The following CDH23 variants were observed in gnomAD, a reference collection of about 807,000 sequenced individuals.
The protein encoded by CDH23 is cadherin related 23.
CDH23 carries 189 observed loss-of-function variants against 317.1 expected under a neutral mutation model. That is an observed-to-expected ratio of 0.60 (90% CI 0.53 to 0.67). CDH23 has a LOEUF of 0.67. Among genes scored for constraint, CDH23 ranks in the 30% least tolerant of loss-of-function variants. The probability of loss-of-function intolerance (pLI) is 0.00; values close to 1 mark genes in which losing one functional copy is unlikely to be tolerated. For synonymous variants in CDH23, 1,839 were observed against 1,876.8 expected (o/e 0.98, Z 0.52); for missense variants, 4,401 against 4,592.4 (o/e 0.96, Z 1.20).
intron 39 of CDH23, 99 bp downstream of exon 39, chr10:71,778,000 T>A (rs1315986744): frequency 3.4e-6 from 5 of 1,467,346 alleles, no homozygotes; most frequent in Non-Finnish European, 4.7e-6. Context: ...AAAGATGCAG[T>A]CTAGGGGAAA....
chr10:71,434,575 T>G (rs576972177), intron 1 of CDH23, among the ~76,000 whole-genome samples: 1 of 152,162 alleles, frequency 6.6e-6, no homozygotes, highest in African/African-American at 2.4e-5. Context: ...ATGCTGTCAC[T>G]GAACCACCTC....
At chr10:71,654,545 T>C (rs1863330268) in intron 14 of CDH23, among the ~76,000 whole-genome samples, 1 of 152,182 alleles carries the variant, frequency 6.6e-6, no homozygotes, top group Admixed American at 6.5e-5. Flanking sequence ...GGGTCAGGAA[T>C]ACAGAAAGGG....
intron 6 of CDH23, among the ~76,000 whole-genome samples, chr10:71,524,022 C>G (rs1454997079): frequency 1.8e-4 from 28 of 152,274 alleles, no homozygotes; most frequent in Non-Finnish European, 5.9e-5. Flanking sequence ...CCAGCTTCCC[C>G]TGGGATCTTC....
chr10:71,545,389 C>T (rs749667139), intron 6 of CDH23, among the ~76,000 whole-genome samples: 10 of 152,276 alleles, frequency 6.6e-5, no homozygotes, highest in Non-Finnish European at 1.0e-4. Context: ...TCCACTTTCT[C>T]GGGCTGTCTT....
chr10:71,780,078 G>A (rs187797956), intron 41 of CDH23, among the ~76,000 whole-genome samples: 3 of 152,360 alleles, frequency 2.0e-5, no homozygotes, highest in Admixed American at 6.5e-5. Context: ...GCCAGTAGTA[G>A]CTGTGTCCAG....
At chr10:71,502,955 T>C (rs1383207582) in intron 3 of CDH23, among the ~76,000 whole-genome samples, 1 of 152,254 alleles carries the variant, frequency 6.6e-6, no homozygotes, top group Admixed American at 6.5e-5. Flanking sequence ...TAGCAGGTAC[T>C]GCTCTCCAGG....
intron 29 of CDH23, among the ~76,000 whole-genome samples, chr10:71,724,872 A>T (rs760066084): frequency 6.6e-6 from 1 of 152,214 alleles, no homozygotes; most frequent in Non-Finnish European, 1.5e-5. Context: ...AGGAGAGTAG[A>T]TCCCCAAAGA....
At chr10:71,739,245 C>G (rs1839668880) in intron 35 of CDH23, among the ~76,000 whole-genome samples, 3 of 152,180 alleles carry the variant, frequency 2.0e-5, no homozygotes. Flanking sequence ...TGAGCCTCCT[C>G]TCTGTGAACT....
At chr10:71,762,266 G>C (rs1226142489) in intron 38 of CDH23, among the ~76,000 whole-genome samples, 1 of 152,256 alleles carries the variant, frequency 6.6e-6, no homozygotes, top group Non-Finnish European at 1.5e-5. Flanking sequence ...GGACAGGGCA[G>C]GGAGAGACTT....
chr10:71,427,825 G>A lies in CDH23; in HGVS notation c.-5-12002G>A, dbSNP rs1261524198. ...CCTCCTGGGTTAAAGCGATTCTCCT[G>A]CCTCAGCCTCCTGAGTAGCTGGGAC... On this transcript the variant is annotated intron_variant, in intron 1 of 69. Coordinates refer to ENST00000224721, the MANE Select transcript of CDH23 (RefSeq NM_022124.6). 1.3e-4 allele frequency among the ~76,000 whole-genome samples: 20 copies of A among 151,348 alleles called. 1 individual carries two copies. The highest frequency in any genetic ancestry group is 2.6e-4 in the Non-Finnish European group (18 of 67,944).
At position 71,784,277 on chromosome 10, in the gene CDH23, T is replaced by A; in HGVS notation, c.5369-10T>A. ...CCCGACTAACTTGGGCCTCTCCTGGTGACACCCAGGGGAGTTTGTGATCTC... is the reference window on the plus strand; with the variant it reads ...CCCGACTAACTTGGGCCTCTCCTGGAGACACCCAGGGGAGTTTGTGATCTC... On this transcript the variant is annotated splice_polypyrimidine_tract_variant and intron_variant, in intron 41 of 69. Transcript: ENST00000224721. 1 of 1,611,416 alleles carries A rather than the reference T, an allele frequency of 6.2e-7. No homozygotes were observed. Among genetic ancestry groups the A allele is most frequent in the East Asian group, 2.2e-5 (1 of 44,800 alleles).
At chr10:71,487,093 GA>G (rs988460645) in intron 3 of CDH23, among the ~76,000 whole-genome samples, 2 of 152,112 alleles carry the variant, frequency 1.3e-5, no homozygotes, top group African/African-American at 4.8e-5. Flanking sequence ...CCCCTGCCTG[GA>G]ATGGCCTTCT....
At chr10:71,532,711 G>GTTTTTTTTTTTTTTTTTTTTTTTT (rs531593760) in intron 6 of CDH23, among the ~76,000 whole-genome samples, 5 of 128,098 alleles carry the variant, frequency 3.9e-5, no homozygotes, top group Non-Finnish European at 7.0e-5. Context: ...TTTTGTTTTT[G>GTTTTTTTTTTTTTTTTTTTTTTTT]TTTTTTTTTT....
At chr10:71,613,510 C>T (rs888379356) in intron 9 of CDH23, among the ~76,000 whole-genome samples, 1 of 152,188 alleles carries the variant, frequency 6.6e-6, no homozygotes, top group Non-Finnish European at 1.5e-5. Context: ...CCTTGCCCAG[C>T]CCATACAGTG....
At chr10:71,781,067 C>T (rs1045387397) in intron 41 of CDH23, among the ~76,000 whole-genome samples, 3 of 152,050 alleles carry the variant, frequency 2.0e-5, no homozygotes, top group African/African-American at 7.3e-5. Flanking sequence ...GTAGAGGTTG[C>T]GTATACAAGC....
rs773975576 is a variant in CDH23 at position 71,617,229 on chromosome 10, A to G, written c.970A>G (p.Thr324Ala). ...VKGTELNDDR[T>A]PSDATVTTTF... Reference sequence around the variant, plus strand: ...GGGCACGGAGCTGAACGATGACCGCACCCCATCTGACGCTACAGTCACCAC... The same window carrying G: ...GGGCACGGAGCTGAACGATGACCGCGCCCCATCTGACGCTACAGTCACCAC... Residue 324 changes from threonine (T) to alanine (A), a missense_variant, in exon 11 of 70, where the codon ACC (threonine) becomes GCC (alanine). Thr to Ala is a moderately conservative substitution (Grantham distance 58, BLOSUM62 0). Transcript: ENST00000224721. The G allele has an allele frequency of 7.4e-6, 12 of 1,613,826 alleles. No homozygotes were observed. The highest frequency in any genetic ancestry group is 1.0e-5 in the Non-Finnish European group (12 of 1,179,814).
At chr10:71,813,481 G>A in intron 69 of CDH23, 133 bp downstream of exon 69, 1 of 782,254 alleles carries the variant, frequency 1.3e-6, no homozygotes, top group South Asian at 1.5e-5. Flanking sequence ...AATGGGTGGG[G>A]GCCAGGAAGT....
chr10:71,549,571 A>G lies in CDH23; in HGVS notation c.430-17171A>G, dbSNP rs1306833782. On this transcript the variant is annotated intron_variant, in intron 6 of 69. Coordinates refer to ENST00000224721, the MANE Select transcript of CDH23 (RefSeq NM_022124.6). Reference sequence around the variant, plus strand: ...ATCATGTGCCAACTCCAGGCCTTCGATGGAAGCTGCTTATCAGCATGTTGG... The same window carrying G: ...ATCATGTGCCAACTCCAGGCCTTCGGTGGAAGCTGCTTATCAGCATGTTGG... 2.0e-5 allele frequency among the ~76,000 whole-genome samples: 3 copies of G among 152,324 alleles called. No homozygotes were observed. The East Asian group carries it at 5.8e-4, about 29-fold the overall frequency.
At chr10:71,787,365 G>A (rs931402299) in intron 44 of CDH23, among the ~76,000 whole-genome samples, 1 of 147,936 alleles carries the variant, frequency 6.8e-6, no homozygotes, top group Non-Finnish European at 1.5e-5. Context: ...ACAAGCACAG[G>A]TTTCTTAACA....
Sources: gnomAD v4.1 joint callset for allele counts (sites outside exome capture counted in the v4.1 genomes callset) on GRCh38, gnomAD v4.1.1 for gene constraint, MANE v1.5 for transcripts, NCBI Gene and HGNC (gene_info 2026-07-23, HGNC 2026-07-21) for gene names.